The following ELL variants were observed in gnomAD, a reference collection of about 807,000 sequenced individuals.
The protein encoded by ELL is RNA polymerase II elongation factor ELL.
A neutral mutation model predicts 64.0 loss-of-function variants in ELL; 18 were observed. The ratio of observed to expected loss-of-function variants is 0.28; its 90% CI spans 0.19 to 0.42. The LOEUF is 0.42. Among genes scored for constraint, ELL ranks in the 10% least tolerant of loss-of-function variants. The pLI, the probability that ELL is intolerant of heterozygous loss-of-function variation, is 1.00. For synonymous variants in ELL, 399 were observed against 376.2 expected (o/e 1.06, Z -0.70); for missense variants, 797 against 870.4 (o/e 0.92, Z 1.06).
intron 5 of ELL, among the ~76,000 whole-genome samples, chr19:18,460,553 G>T (rs1239195276): frequency 6.6e-6 from 1 of 152,214 alleles, no homozygotes; most frequent in Non-Finnish European, 1.5e-5. Context: ...CTAGCCTTGG[G>T]AGCAGGATGG....
intron 2 of ELL, among the ~76,000 whole-genome samples, chr19:18,469,212 G>A (rs1975011671): frequency 6.6e-6 from 1 of 152,194 alleles, no homozygotes; most frequent in African/African-American, 2.4e-5. Context: ...CAGGATGCAG[G>A]GGTGAGAAGG....
chr19:18,466,757 C>T (rs1172057867), intron 2 of ELL, among the ~76,000 whole-genome samples: 1 of 152,244 alleles, frequency 6.6e-6, no homozygotes, highest in Non-Finnish European at 1.5e-5. Context: ...ATGAGCTCCT[C>T]ACAGTTAGAC....
intron 1 of ELL, among the ~76,000 whole-genome samples, chr19:18,516,031 C>A (rs982374090): frequency 2.0e-5 from 3 of 152,156 alleles, no homozygotes; most frequent in African/African-American, 4.8e-5. Context: ...AAGGCCTTCT[C>A]TGAAAAGCAG....
At chr19:18,465,990 A>G (rs1217290768) in intron 2 of ELL, 72 bp from the exon 3 acceptor site, 3 of 1,231,222 alleles carry the variant, frequency 2.4e-6, no homozygotes, top group East Asian at 3.1e-5. Flanking sequence ...ATCTTCCTGC[A>G]TGAGTCCCCA....
In ELL at chr19:18,519,732, G is replaced by A. The variant is rs1039171579; in HGVS notation, c.135+2189C>T. On this transcript the variant is annotated intron_variant, in intron 1 of 11. Coordinates refer to ENST00000262809, the MANE Select transcript of ELL (RefSeq NM_006532.4). ...TGAGGCAGGAGAATCGCTTGAACCC[G>A]GGAGGCAGAAGCTGCAGTGAGCCGG... Among the ~76,000 whole-genome samples the A allele has an allele frequency of 6.6e-5, 10 of 151,512 alleles. No homozygotes were observed. In the South Asian group the frequency reaches 8.4e-4, roughly 13 times the overall value.
rs185501575 is a variant in ELL, at chr19:18,508,246, C to T, written c.135+13675G>A. 3.9e-3 allele frequency among the ~76,000 whole-genome samples: 587 copies of T among 152,240 alleles called. 2 individuals are homozygous for T. Among genetic ancestry groups the T allele is most frequent in the South Asian group, 0.015 (73 of 4,826 alleles). On this transcript the variant is annotated intron_variant, in intron 1 of 11. Coordinates refer to ENST00000262809, the MANE Select transcript of ELL (RefSeq NM_006532.4). ...TCACTTGAGGCCAGGAGTTAACAGA[C>T]TGCAGTGAGCTATGATCACACCACT...
intron 1 of ELL, 76 bp downstream of exon 1, chr19:18,521,845 G>T: frequency 6.7e-7 from 1 of 1,496,658 alleles, no homozygotes. Flanking sequence ...GAGCCCGGAC[G>T]CCTCAGTGAG....
chr19:18,451,520 T>G, intron 7 of ELL, 32 bp downstream of exon 7: 1 of 1,451,554 alleles, frequency 6.9e-7, no homozygotes, highest in Non-Finnish European at 9.0e-7. Context: ...TGCAGGTGCT[T>G]GGGACAGTCA....
At chr19:18,502,549 T>C (rs1278125206) in intron 1 of ELL, among the ~76,000 whole-genome samples, 1 of 152,072 alleles carries the variant, frequency 6.6e-6, no homozygotes, top group African/African-American at 2.4e-5. Context: ...AACTAAAAGA[T>C]CAAATATCCC....
At chr19:18,489,149 T>A (rs1975477220) in intron 1 of ELL, among the ~76,000 whole-genome samples, 1 of 152,200 alleles carries the variant, frequency 6.6e-6, no homozygotes, top group Admixed American at 6.5e-5. Flanking sequence ...TGACATGGAT[T>A]GGGTATTTGC....
At chr19:18,515,573 C>T (rs750569856) in intron 1 of ELL, among the ~76,000 whole-genome samples, 14 of 152,276 alleles carry the variant, frequency 9.2e-5, no homozygotes, top group Non-Finnish European at 1.5e-4. Context: ...GTGGGTGGCA[C>T]AGCCAGCACT....
Position 18,450,935 on chromosome 19 carries a change from T to G in ELL, c.1007A>C (p.Asn336Thr), listed in dbSNP as rs756840396. Residue 336 changes from asparagine (N) to threonine (T), a missense_variant, in exon 8 of 12, where the codon AAC (asparagine) becomes ACC (threonine). Physicochemically the swap from Asn to Thr is moderately conservative, Grantham distance 65. Transcript: ENST00000262809. ...GAAGTGCGATATCCGGGGTTTCTTG[T>G]TGGCTAGGGGGTCGATGAAATCAGG... ...QPPDFIDPLA[N>T]KKPRISHFTQ... is the part of the protein sequence containing the mutation. 2 of 1,535,344 alleles carry G rather than the reference T, an allele frequency of 1.3e-6. No individual in the cohort carries two copies. The highest frequency in any genetic ancestry group is 1.8e-6 in the Non-Finnish European group (2 of 1,141,194).
intron 1 of ELL, among the ~76,000 whole-genome samples, chr19:18,512,955 C>T (rs1214169166): frequency 2.0e-5 from 3 of 152,134 alleles, no homozygotes; most frequent in African/African-American, 7.2e-5. Flanking sequence ...GGACACGGGG[C>T]GCAACAACAG....
intron 1 of ELL, among the ~76,000 whole-genome samples, chr19:18,482,465 A>C (rs929005182): frequency 3.6e-4 from 55 of 150,976 alleles, no homozygotes; most frequent in African/African-American, 1.3e-3. Context: ...CCTCCCAAGT[A>C]GCTGGGACTA....
chr19:18,479,125 C>T (rs1975238760), intron 1 of ELL, among the ~76,000 whole-genome samples: 1 of 152,198 alleles, frequency 6.6e-6, no homozygotes, highest in South Asian at 2.1e-4. Flanking sequence ...TGAATCTTCC[C>T]CAGGGCACGA....
chr19:18,466,648 G>A (rs891565455), intron 2 of ELL, among the ~76,000 whole-genome samples: 1 of 152,228 alleles, frequency 6.6e-6, no homozygotes, highest in Non-Finnish European at 1.5e-5. Context: ...CAGGCTCAGT[G>A]CAGGGCGGCA....
At chr19:18,514,513 C>CAAA (rs557236460) in intron 1 of ELL, among the ~76,000 whole-genome samples, 4 of 39,242 alleles carry the variant, frequency 1.0e-4, no homozygotes, top group East Asian at 7.4e-4. Flanking sequence ...GACTCCATCT[C>CAAA]AAAAAAAAAA....
Position 18,502,985 on chromosome 19 carries a change from C to T in ELL, c.135+18936G>A, listed in dbSNP as rs1207815988. Among the ~76,000 whole-genome samples the T allele has an allele frequency of 4.6e-5, 7 of 152,248 alleles. No homozygotes were observed. In the East Asian group the frequency reaches 1.2e-3, roughly 25 times the overall value. ...ACTTCCAGTGGCTGCACACCCACCACACACAGGCACAGGGCTGGGAGGCAC... is the reference window on the plus strand; with the variant it reads ...ACTTCCAGTGGCTGCACACCCACCATACACAGGCACAGGGCTGGGAGGCAC... On this transcript the variant is annotated intron_variant, in intron 1 of 11. Coordinates refer to ENST00000262809, the MANE Select transcript of ELL (RefSeq NM_006532.4).
At chr19:18,476,223 C>T (rs369876241) in intron 1 of ELL, among the ~76,000 whole-genome samples, 8 of 152,334 alleles carry the variant, frequency 5.3e-5, no homozygotes, top group Middle Eastern at 6.8e-3. Context: ...CCGTCTCTCG[C>T]GGTGCAAACC....
Sources: allele counts gnomAD v4.1 joint callset (sites outside exome capture counted in the v4.1 genomes callset), GRCh38; gene constraint gnomAD v4.1.1; transcripts MANE v1.5; gene names NCBI Gene and HGNC (gene_info 2026-07-23, HGNC 2026-07-21).